The following COL25A1 variants were observed in gnomAD, a reference collection of about 807,000 sequenced individuals.
COL25A1 encodes collagen type XXV alpha 1 chain, also known as collagen alpha-1(XXV) chain.
A neutral mutation model predicts 128.4 loss-of-function variants in COL25A1; 103 were observed. The observed-to-expected ratio is 0.80, with a 90% CI of 0.68 to 0.94. COL25A1 has a LOEUF of 0.94. COL25A1 is among the 40% of genes least tolerant of loss of function. The pLI is 0.00. For synonymous variants in COL25A1, 279 were observed against 277.2 expected (o/e 1.01, Z -0.06); for missense variants, 745 against 840.0 (o/e 0.89, Z 1.40).
chr4:109,217,429 A>G (rs1010465681), intron 3 of COL25A1, among the ~76,000 whole-genome samples: 2 of 152,118 alleles, frequency 1.3e-5, no homozygotes, highest in Non-Finnish European at 2.9e-5. Context: ...TATGTGTTAG[A>G]CATATTTATA....
intron 23 of COL25A1, 84 bp from the exon 24 acceptor site, chr4:108,859,817 A>C: frequency 2.2e-6 from 2 of 904,234 alleles, no homozygotes; most frequent in Non-Finnish European, 3.6e-6. Flanking sequence ...AATACAACTC[A>C]CAGCTCTCTC....
chr4:109,218,347 G>GGGTTTTTTTTTTT (rs1454448425), intron 3 of COL25A1, among the ~76,000 whole-genome samples: 2 of 76,388 alleles, frequency 2.6e-5, no homozygotes, highest in African/African-American at 1.2e-4. Flanking sequence ...TCAATTGCTG[G>GGGTTTTTTTTTTT]TTTTTTGGGG....
intron 12 of COL25A1, among the ~76,000 whole-genome samples, chr4:108,920,105 C>T (rs1745327434): frequency 6.6e-6 from 1 of 152,254 alleles, no homozygotes; most frequent in African/African-American, 2.4e-5. Context: ...TTGCGGATAA[C>T]AATGAAATGA....
At chr4:109,289,101 A>G (rs1265039409) in intron 3 of COL25A1, among the ~76,000 whole-genome samples, 33 of 151,906 alleles carry the variant, frequency 2.2e-4, no homozygotes, top group Admixed American at 2.2e-3. Flanking sequence ...GGAAAACTGC[A>G]TTGTCTACAG....
At chr4:108,879,175 G>A (rs2125827025) in intron 19 of COL25A1, among the ~76,000 whole-genome samples, 1 of 152,286 alleles carries the variant, frequency 6.6e-6, no homozygotes, top group Non-Finnish European at 1.5e-5. Context: ...TTAGTGGCAA[G>A]AATGATTTCA....
intron 18 of COL25A1, among the ~76,000 whole-genome samples, chr4:108,885,368 A>G (rs1740654586): frequency 6.6e-6 from 1 of 152,176 alleles, no homozygotes; most frequent in South Asian, 2.1e-4. Flanking sequence ...GATTAGACCA[A>G]AAAAGGACAA....
Position 108,852,920 on chromosome 4 carries a change from A to G in COL25A1, c.1326T>C (p.Ile442=). The part of the protein sequence containing the change: ...NGNLHEALQR[I]TTLTVTGPPG... ...GAGTTACCGTGACAGTTAAGGTGGTAATCCTCTGTTGGGAAAATGTGTTGA... is the reference window on the plus strand; with the variant it reads ...GAGTTACCGTGACAGTTAAGGTGGTGATCCTCTGTTGGGAAAATGTGTTGA... The change falls in exon 25 of 38, where the codon ATT becomes ATC. Residue 442 remains isoleucine (I), a synonymous_variant. Coordinates refer to ENST00000399132, the MANE Select transcript of COL25A1 (RefSeq NM_198721.4). 3 of 1,611,010 alleles carry G rather than the reference A, an allele frequency of 1.9e-6. No individual in the cohort carries two copies. Among genetic ancestry groups the G allele is most frequent in the Non-Finnish European group, 2.5e-6 (3 of 1,178,454 alleles).
chr4:108,843,207 G>GGAAGAAA (rs1376052562), intron 30 of COL25A1, among the ~76,000 whole-genome samples: 1 of 149,512 alleles, frequency 6.7e-6, no homozygotes, highest in African/African-American at 2.5e-5. Flanking sequence ...GAAGGAAGAA[G>GGAAGAAA]GAAGAAAGAA....
chr4:109,014,636 A>G (rs1029929572), intron 5 of COL25A1, among the ~76,000 whole-genome samples: 28 of 152,268 alleles, frequency 1.8e-4, no homozygotes, highest in African/African-American at 6.8e-4. Context: ...ACAAACAGCC[A>G]TAAATGACTG....
intron 11 of COL25A1, among the ~76,000 whole-genome samples, chr4:108,931,299 A>G (rs931532447): frequency 2.0e-5 from 3 of 152,212 alleles, no homozygotes; most frequent in Admixed American, 6.5e-5. Flanking sequence ...TAGTTTCACC[A>G]TTCTTTACAG....
chr4:108,863,272 C>T lies in COL25A1; in HGVS notation c.1152+47G>A, dbSNP rs1373771182. ...TGTTTTAGTTTTTTGTGTTCTAAAT[C>T]AAATCAAGCCAGAGAATGGTTATTT... On this transcript the variant is annotated intron_variant, in intron 21 of 37. Transcript: ENST00000399132. 4.4e-6 allele frequency: 7 copies of T among 1,573,354 alleles called. No individual in the cohort carries two copies. The Admixed American group carries it at 5.0e-5, about 11-fold the overall frequency.
chr4:108,827,060 G>A (rs1732477556), intron 33 of COL25A1, 75 bp downstream of exon 33: 10 of 1,311,300 alleles, frequency 7.6e-6, no homozygotes, highest in Admixed American at 3.5e-5. Flanking sequence ...CCCCACAAGC[G>A]AAGGGTTAAC....
At chr4:109,209,176 ACCAAAACAATGGG>A (rs966510118) in intron 3 of COL25A1, among the ~76,000 whole-genome samples, 1 of 152,194 alleles carries the variant, frequency 6.6e-6, no homozygotes, top group Admixed American at 6.6e-5. Context: ...AAAGAATGGC[ACCAAAACAATGGG>A]TTAAGGTGAA....
intron 3 of COL25A1, among the ~76,000 whole-genome samples, chr4:109,070,999 A>G (rs1266620139): frequency 6.6e-6 from 1 of 152,124 alleles, no homozygotes; most frequent in Non-Finnish European, 1.5e-5. Flanking sequence ...GACAATCCTA[A>G]GCCAAAAGAA....
intron 5 of COL25A1, among the ~76,000 whole-genome samples, chr4:109,012,483 C>T (rs1277514600): frequency 2.0e-5 from 3 of 152,304 alleles, no homozygotes; most frequent in Middle Eastern, 6.9e-3. Flanking sequence ...GGGAGAGGCG[C>T]GGGCAGGAAC....
chr4:108,913,448 G>T (rs1455586197), intron 13 of COL25A1, among the ~76,000 whole-genome samples: 1 of 151,594 alleles, frequency 6.6e-6, no homozygotes, highest in Non-Finnish European at 1.5e-5. Flanking sequence ...AGTACAGACG[G>T]GGTTTCCCCA....
intron 16 of COL25A1, among the ~76,000 whole-genome samples, chr4:108,894,284 A>T (rs1221155686): frequency 6.6e-6 from 1 of 152,210 alleles, no homozygotes; most frequent in Non-Finnish European, 1.5e-5. Flanking sequence ...CAAAAATGAA[A>T]CTTTAAAAAG....
intron 5 of COL25A1, among the ~76,000 whole-genome samples, chr4:109,026,473 G>A (rs1271276465): frequency 2.6e-5 from 4 of 152,162 alleles, no homozygotes; most frequent in South Asian, 2.1e-4. Flanking sequence ...GCAAGCAGGC[G>A]TTATATGAAG....
intron 6 of COL25A1, among the ~76,000 whole-genome samples, chr4:108,975,039 T>C (rs1752298372): frequency 6.6e-6 from 1 of 152,242 alleles, no homozygotes; most frequent in Non-Finnish European, 1.5e-5. Context: ...ATTTTGTGTG[T>C]AGTTGTAGAT....
Sources: gnomAD v4.1 joint callset for allele counts (sites outside exome capture counted in the v4.1 genomes callset) on GRCh38, gnomAD v4.1.1 for gene constraint, MANE v1.5 for transcripts, NCBI Gene and HGNC (gene_info 2026-07-23, HGNC 2026-07-21) for gene names.